The following RGS21 variants were observed in gnomAD, a reference collection of about 807,000 sequenced individuals.
The protein encoded by RGS21 is regulator of G-protein signalling 21.
RGS21 carries 19 observed loss-of-function variants against 18.7 expected under a neutral mutation model. That is an observed-to-expected ratio of 1.01 (90% CI 0.71 to 1.49). The LOEUF (loss-of-function observed/expected upper bound fraction) is 1.49, where lower values mean the gene tolerates loss of function less well. Ranked by LOEUF, RGS21 falls within the 40% of genes most tolerant of loss-of-function variation. RGS21 has a pLI of 0.00. For missense variants in RGS21, 194 were observed against 176.8 expected (o/e 1.10, Z -0.55); for synonymous variants, 56 against 57.8 (o/e 0.97, Z 0.14).
In RGS21 at chr1:192,366,147, A is replaced by G; in HGVS notation, c.*23A>G. 1 of 1,335,910 alleles carries G rather than the reference A, an allele frequency of 7.5e-7. No homozygotes were observed. The highest frequency in any genetic ancestry group is 1.1e-6 in the Non-Finnish European group (1 of 931,068). The allele number at this position is 1,335,910 out of a possible 1,614,324, so 82.8% of individuals were successfully genotyped here. A position where few individuals can be genotyped will look rare whatever the true frequency, so the allele number is the denominator to read the frequency against. On this transcript the variant is annotated 3_prime_UTR_variant, in exon 5 of 5. Transcript: ENST00000417209. ...TGAGGAAGGTAAAAGTTAACTAATCACTATACTTCAGGGCTACAATATTTT... is the reference window on the plus strand; with the variant it reads ...TGAGGAAGGTAAAAGTTAACTAATCGCTATACTTCAGGGCTACAATATTTT...
At chr1:192,336,655 T>TTAG (rs1348284404) in intron 1 of RGS21, among the ~76,000 whole-genome samples, 2 of 152,034 alleles carry the variant, frequency 1.3e-5, no homozygotes, top group Non-Finnish European at 1.5e-5. Flanking sequence ...AAAAAATGAA[T>TTAG]GGTTGAATAT....
At chr1:192,340,557 T>C (rs1658843348) in intron 1 of RGS21, among the ~76,000 whole-genome samples, 1 of 152,176 alleles carries the variant, frequency 6.6e-6, no homozygotes, top group Non-Finnish European at 1.5e-5. Flanking sequence ...ATTCATTTTC[T>C]ATTGCTGTTG....
intron 1 of RGS21, among the ~76,000 whole-genome samples, chr1:192,318,364 G>A (rs550669778): frequency 3.9e-5 from 6 of 152,126 alleles, no homozygotes; most frequent in South Asian, 4.1e-4. Flanking sequence ...ATCTCCTCTG[G>A]TTTGATTTGA....
chr1:192,342,561 G>C (rs950660236), intron 1 of RGS21, among the ~76,000 whole-genome samples: 3 of 151,790 alleles, frequency 2.0e-5, no homozygotes, highest in African/African-American at 7.2e-5. Flanking sequence ...TAAAGGTAGA[G>C]CCCTCCTCAG....
intron 4 of RGS21, among the ~76,000 whole-genome samples, chr1:192,352,973 A>G (rs1301566685): frequency 1.3e-5 from 2 of 152,038 alleles, no homozygotes; most frequent in African/African-American, 4.8e-5. Flanking sequence ...ATATTACATA[A>G]ACAAAGAGCG....
chr1:192,317,755 T>C (rs912713820), intron 1 of RGS21, among the ~76,000 whole-genome samples: 2 of 152,058 alleles, frequency 1.3e-5, no homozygotes, highest in South Asian at 2.1e-4. Context: ...CAGTTAGTAC[T>C]TTCACTATTC....
chr1:192,356,572 A>C (rs1659115234), intron 4 of RGS21, among the ~76,000 whole-genome samples: 1 of 151,806 alleles, frequency 6.6e-6, no homozygotes, highest in Non-Finnish European at 1.5e-5. Context: ...AATACCAGTA[A>C]GACAGCAGCA....
intron 4 of RGS21, among the ~76,000 whole-genome samples, chr1:192,357,013 A>T (rs1659120937): frequency 6.6e-6 from 1 of 151,742 alleles, no homozygotes; most frequent in Admixed American, 6.6e-5. Flanking sequence ...CCTTCCCCAT[A>T]CTCTGGTAGA....
At chr1:192,360,199 A>G (rs1659168868) in intron 4 of RGS21, among the ~76,000 whole-genome samples, 1 of 152,086 alleles carries the variant, frequency 6.6e-6, no homozygotes, top group Admixed American at 6.6e-5. Flanking sequence ...TCCTGCCCAA[A>G]GCTTTCTCCA....
intron 4 of RGS21, among the ~76,000 whole-genome samples, chr1:192,363,305 C>A (rs1312459255): frequency 1.3e-5 from 2 of 152,064 alleles, no homozygotes; most frequent in African/African-American, 4.8e-5. Flanking sequence ...CACTGTTTGG[C>A]AGGCACACTT....
chr1:192,343,302 TG>T (rs946027958), intron 2 of RGS21, among the ~76,000 whole-genome samples: 10 of 152,112 alleles, frequency 6.6e-5, no homozygotes, highest in African/African-American at 2.4e-4. Flanking sequence ...CTGAACTTTA[TG>T]TTTTTTTTAA....
chr1:192,326,085 T>TGTAA (rs745609460), intron 1 of RGS21, among the ~76,000 whole-genome samples: 7 of 152,046 alleles, frequency 4.6e-5, no homozygotes, highest in Non-Finnish European at 1.0e-4. Context: ...ATCCTGCAAA[T>TGTAA]ATTACAACTT....
Position 192,353,460 on chromosome 1 carries a change from T to C in RGS21, c.255+1247T>C, listed in dbSNP as rs140553097. Among the ~76,000 whole-genome samples, 9 of 152,006 alleles carry C rather than the reference T, an allele frequency of 5.9e-5. No homozygotes were observed. The East Asian group carries it at 1.7e-3, about 29-fold the overall frequency. ...ATGTTGCATGTAAGATTTGTAAGGT[T>C]GATTGATGTGTCATTTTGCTTTGAA... On this transcript the variant is annotated intron_variant, in intron 4 of 4. Transcript: ENST00000417209.
At chr1:192,339,404 T>C (rs149436802) in intron 1 of RGS21, among the ~76,000 whole-genome samples, 1 of 152,156 alleles carries the variant, frequency 6.6e-6, no homozygotes, top group African/African-American at 2.4e-5. Context: ...TTAAATGCTC[T>C]ATATTGTCTT....
intron 2 of RGS21, among the ~76,000 whole-genome samples, chr1:192,345,435 C>G (rs1306372749): frequency 6.6e-6 from 1 of 152,026 alleles, no homozygotes; most frequent in Non-Finnish European, 1.5e-5. Context: ...TTACCCTCTT[C>G]CATTGAAGGC....
chr1:192,326,821 G>A (rs1267241929), intron 1 of RGS21, among the ~76,000 whole-genome samples: 2 of 152,106 alleles, frequency 1.3e-5, no homozygotes, highest in Admixed American at 1.3e-4. Context: ...GACATAAATT[G>A]TACTAACCAC....
intron 1 of RGS21, among the ~76,000 whole-genome samples, chr1:192,339,899 C>A (rs1194651726): frequency 8.5e-6 from 1 of 117,650 alleles, no homozygotes; most frequent in Non-Finnish European, 1.7e-5. Context: ...GCTAAATCCC[C>A]TTTACTTTTT....
intron 1 of RGS21, among the ~76,000 whole-genome samples, chr1:192,323,216 C>A (rs114514522): frequency 6.6e-6 from 1 of 152,230 alleles, no homozygotes; most frequent in Non-Finnish European, 1.5e-5. Context: ...ACCCCACAAA[C>A]GCAGTTGCCT....
At chr1:192,327,232 A>G (rs1658580067) in intron 1 of RGS21, among the ~76,000 whole-genome samples, 2 of 152,202 alleles carry the variant, frequency 1.3e-5, no homozygotes, top group Non-Finnish European at 2.9e-5. Context: ...GAGCAATGAA[A>G]AAAAAGAAAA....
Sources: gnomAD v4.1 joint callset for allele counts (sites outside exome capture counted in the v4.1 genomes callset) on GRCh38, gnomAD v4.1.1 for gene constraint, MANE v1.5 for transcripts, NCBI Gene and HGNC (gene_info 2026-07-23, HGNC 2026-07-21) for gene names.